The following GPHN variants were observed in gnomAD, a reference collection of about 807,000 sequenced individuals.
The protein encoded by GPHN is gephyrin.
A neutral mutation model predicts 95.5 loss-of-function variants in GPHN; 17 were observed. The ratio of observed to expected loss-of-function variants is 0.18; its 90% CI spans 0.12 to 0.27. The LOEUF is 0.27. Among genes scored for constraint, GPHN ranks in the 10% least tolerant of loss-of-function variants. The pLI, the probability that GPHN is intolerant of heterozygous loss-of-function variation, is 1.00. For synonymous variants in GPHN, 320 were observed against 322.5 expected (o/e 0.99, Z 0.08); for missense variants, 660 against 978.1 (o/e 0.67, Z 4.34).
At chr14:66,558,408 G>T (rs950058597) in intron 1 of GPHN, among the ~76,000 whole-genome samples, 1 of 152,124 alleles carries the variant, frequency 6.6e-6, no homozygotes, top group Non-Finnish European at 1.5e-5. Flanking sequence ...TTTTTTATAT[G>T]AAATTCTGTA....
chr14:67,423,151 C>G, the GPHN span, among the ~76,000 whole-genome samples: 4,327 of 152,018 alleles, frequency 0.028, 80 homozygotes, highest in Non-Finnish European at 0.041. Context: ...CCCCTTTCTG[C>G]CCTGTCATCA....
the GPHN span, chr14:67,279,949 T>A: frequency 3.7e-5 from 6 of 162,212 alleles, no homozygotes; most frequent in South Asian, 2.0e-4. Context: ...TTGATTTTTT[T>A]AAATTAATGA....
the GPHN span, chr14:67,691,199 A>G: frequency 6.2e-7 from 1 of 1,614,124 alleles, no homozygotes; most frequent in Non-Finnish European, 8.5e-7. Flanking sequence ...GTACGGACAC[A>G]TCATCACTCC....
the GPHN span, among the ~76,000 whole-genome samples, chr14:67,448,339 A>C: frequency 6.6e-6 from 1 of 151,472 alleles, no homozygotes; most frequent in Admixed American, 6.6e-5. Flanking sequence ...ACAGGGTTTC[A>C]CCATGTTAAT....
intron 1 of GPHN, among the ~76,000 whole-genome samples, chr14:66,635,616 G>A (rs1289536779): frequency 6.6e-6 from 1 of 152,086 alleles, no homozygotes; most frequent in East Asian, 1.9e-4. Context: ...ACTCAGTAAG[G>A]AAATGTTTTA....
the GPHN span, chr14:67,397,889 G>A: frequency 7.2e-7 from 1 of 1,379,932 alleles, no homozygotes; most frequent in Non-Finnish European, 9.9e-7. Flanking sequence ...TGTTCAGGGA[G>A]GGGGTGTCTG....
At chr14:66,867,632 A>G (rs2063278700) in intron 4 of GPHN, among the ~76,000 whole-genome samples, 1 of 152,210 alleles carries the variant, frequency 6.6e-6, no homozygotes, top group African/African-American at 2.4e-5. Context: ...AAAATGTAAA[A>G]TGAAATTAAT....
chr14:66,779,716 T>A (rs971142638), intron 3 of GPHN, among the ~76,000 whole-genome samples: 2 of 152,096 alleles, frequency 1.3e-5, no homozygotes, highest in African/African-American at 4.8e-5. Flanking sequence ...GGATACCAGA[T>A]TATAGGGTAT....
chr14:67,334,521 T>TTGA, the GPHN span: 2 of 152,280 alleles, frequency 1.3e-5, no homozygotes, highest in Non-Finnish European at 2.9e-5. Flanking sequence ...ATGTACATAT[T>TTGA]TGATTGATTT....
chr14:67,579,572 C>A, the GPHN span: 1 of 764,056 alleles, frequency 1.3e-6, no homozygotes, highest in Non-Finnish European at 2.1e-6. Flanking sequence ...TGCACTGGCC[C>A]TTTGCCTGTG....
intron 4 of GPHN, among the ~76,000 whole-genome samples, chr14:66,824,778 A>G (rs2061332544): frequency 6.6e-6 from 1 of 152,164 alleles, no homozygotes; most frequent in African/African-American, 2.4e-5. Context: ...ATAGAATATG[A>G]GGAAGATTAA....
chr14:67,277,287 G>GA, the GPHN span, among the ~76,000 whole-genome samples: 17 of 152,110 alleles, frequency 1.1e-4, no homozygotes, highest in African/African-American at 3.4e-4. Flanking sequence ...ATGAAAGACA[G>GA]AAAAATCTAC....
intron 5 of GPHN, among the ~76,000 whole-genome samples, chr14:66,881,674 A>G (rs1017426863): frequency 1.3e-5 from 2 of 151,910 alleles, no homozygotes; most frequent in Non-Finnish European, 2.9e-5. Context: ...GATCCAGTAT[A>G]GAAATATCAC....
chr14:67,193,562 T>TATCTATATATAG, the GPHN span, among the ~76,000 whole-genome samples: 2 of 144,784 alleles, frequency 1.4e-5, no homozygotes, highest in African/African-American at 5.0e-5. Flanking sequence ...TATAGATCTA[T>TATCTATATATAG]ATCTATATAG....
chr14:67,619,041 C>G, the GPHN span, among the ~76,000 whole-genome samples: 1 of 152,186 alleles, frequency 6.6e-6, no homozygotes, highest in Non-Finnish European at 1.5e-5. Flanking sequence ...GTGGAGTCAG[C>G]TCTGCCACTT....
intron 3 of GPHN, among the ~76,000 whole-genome samples, chr14:66,814,267 C>A (rs1166415101): frequency 6.6e-6 from 1 of 152,170 alleles, no homozygotes; most frequent in Non-Finnish European, 1.5e-5. Context: ...GCACCCAGAT[C>A]TATGATGGTC....
intron 1 of GPHN, among the ~76,000 whole-genome samples, chr14:66,667,754 A>G (rs1261013281): frequency 6.6e-6 from 1 of 152,228 alleles, no homozygotes; most frequent in African/African-American, 2.4e-5. Flanking sequence ...CAAAGATTTC[A>G]TGACAAAAGT....
chr14:67,359,508 G>A, the GPHN span: 7 of 836,288 alleles, frequency 8.4e-6, no homozygotes. Context: ...AGGCCGTCAG[G>A]AAGCCTCGCC....
chr14:66,666,098 T>C (rs1183230388), intron 1 of GPHN, among the ~76,000 whole-genome samples: 1 of 93,630 alleles, frequency 1.1e-5, no homozygotes, highest in African/African-American at 4.2e-5. Context: ...CCGGGGCCTG[T>C]CGTGGGGTAG....
Sources: gnomAD v4.1 joint callset for allele counts (sites outside exome capture counted in the v4.1 genomes callset) on GRCh38, gnomAD v4.1.1 for gene constraint, MANE v1.5 for transcripts, NCBI Gene and HGNC (gene_info 2026-07-23, HGNC 2026-07-21) for gene names.